Variants in KLHDC4 observed in about 807,000 individuals in gnomAD.
The protein encoded by KLHDC4 is kelch domain containing 4.
A neutral mutation model predicts 62.4 loss-of-function variants in KLHDC4; 90 were observed. The observed-to-expected ratio is 1.44, with a 90% CI of 1.22 to 1.72. The LOEUF (loss-of-function observed/expected upper bound fraction) is 1.72. Ranked by LOEUF, KLHDC4 falls within the 40% of genes most tolerant of loss-of-function variation. KLHDC4 has a pLI of 0.00. For missense variants in KLHDC4, 1,025 were observed against 699.7 expected (o/e 1.47, Z -5.25); for synonymous variants, 386 against 284.4 (o/e 1.36, Z -3.59).
intron 5 of KLHDC4, among the ~76,000 whole-genome samples, chr16:87,731,576 C>T (rs774242685): frequency 2.6e-5 from 4 of 151,846 alleles, no homozygotes; most frequent in African/African-American, 9.7e-5. Context: ...GCTGGGCACC[C>T]GAGATCAAGA....
intron 5 of KLHDC4, among the ~76,000 whole-genome samples, chr16:87,748,281 C>T (rs1057403628): frequency 2.0e-5 from 3 of 152,218 alleles, no homozygotes; most frequent in Non-Finnish European, 4.4e-5. Flanking sequence ...TACACCAACT[C>T]GACACAGAAA....
chr16:87,716,101 G>T (rs1000071636), intron 7 of KLHDC4, among the ~76,000 whole-genome samples: 11 of 152,032 alleles, frequency 7.2e-5, no homozygotes, highest in South Asian at 4.1e-4. Flanking sequence ...GGATACTGAC[G>T]TAGACTTTGG....
At chr16:87,759,753 A>G (rs1438339843) in intron 2 of KLHDC4, among the ~76,000 whole-genome samples, 1 of 151,346 alleles carries the variant, frequency 6.6e-6, no homozygotes, top group Non-Finnish European at 1.5e-5. Context: ...AAAAAAAAAT[A>G]AAGAGTGTTT....
Position 87,760,150 on chromosome 16 carries a change from G to C in KLHDC4, c.191+1799C>G, listed in dbSNP as rs140037776. Among the ~76,000 whole-genome samples the C allele has an allele frequency of 1.3e-3, 191 of 151,394 alleles. 1 individual carries two copies. Among genetic ancestry groups the C allele is most frequent in the African/African-American group, 4.4e-3 (183 of 41,208 alleles). On this transcript the variant is annotated intron_variant, in intron 2 of 11. Transcript: ENST00000270583. ...AGGAAGCATTTCCAGCTGACCCAGG[G>C]AACTGCCAACACCTTAAATTATATC...
At chr16:87,739,347 ACAC>A (rs2041882703) in intron 5 of KLHDC4, among the ~76,000 whole-genome samples, 1 of 124,562 alleles carries the variant, frequency 8.0e-6, no homozygotes, top group African/African-American at 3.1e-5. Flanking sequence ...ATCCATCCAC[ACAC>A]CAGCATCTCA....
chr16:87,715,291 T>C (rs1212193798), intron 7 of KLHDC4, among the ~76,000 whole-genome samples: 1 of 152,210 alleles, frequency 6.6e-6, no homozygotes, highest in African/African-American at 2.4e-5. Context: ...TTAGAAGTTT[T>C]GTATTTGCAG....
At chr16:87,751,421 C>A (rs1567805806) in intron 4 of KLHDC4, among the ~76,000 whole-genome samples, 1 of 151,100 alleles carries the variant, frequency 6.6e-6, no homozygotes, top group Non-Finnish European at 1.5e-5. Context: ...TTGCAGTGAG[C>A]TGAGGTCGCA....
At chr16:87,761,770 A>G (rs559573138) in intron 2 of KLHDC4, among the ~76,000 whole-genome samples, 179 bp downstream of exon 2, 49 of 152,342 alleles carry the variant, frequency 3.2e-4, no homozygotes, top group African/African-American at 1.0e-3. Flanking sequence ...CCCAGGTTCC[A>G]TGACAGTAAA....
chr16:87,724,521 C>A (rs2038997901), intron 7 of KLHDC4, among the ~76,000 whole-genome samples: 1 of 152,134 alleles, frequency 6.6e-6, no homozygotes, highest in African/African-American at 2.4e-5. Context: ...ACAAAAACTA[C>A]AGCCCATTAA....
At chr16:87,733,387 C>A (rs903762474) in intron 5 of KLHDC4, among the ~76,000 whole-genome samples, 4 of 152,226 alleles carry the variant, frequency 2.6e-5, no homozygotes, top group African/African-American at 9.6e-5. Flanking sequence ...ACGCCGGCCA[C>A]AGATGTGCAG....
chr16:87,759,993 A>G (rs564656418), intron 2 of KLHDC4, among the ~76,000 whole-genome samples: 2 of 152,226 alleles, frequency 1.3e-5, no homozygotes, highest in South Asian at 4.1e-4. Flanking sequence ...GCCAATCCTG[A>G]CGATATGCTC....
chr16:87,724,941 A>C (rs1442812244), intron 7 of KLHDC4, among the ~76,000 whole-genome samples: 1 of 152,230 alleles, frequency 6.6e-6, no homozygotes, highest in Non-Finnish European at 1.5e-5. Context: ...CTTCTGAAGA[A>C]CGGAAACAGC....
chr16:87,736,797 G>A (rs192243336), intron 5 of KLHDC4, among the ~76,000 whole-genome samples: 2 of 152,192 alleles, frequency 1.3e-5, no homozygotes, highest in Admixed American at 6.5e-5. Context: ...CAGCAAACTC[G>A]TGGTGCAGAT....
chr16:87,730,893 G>C, intron 5 of KLHDC4: 1 of 376,098 alleles, frequency 2.7e-6, no homozygotes, highest in South Asian at 3.3e-5. Context: ...ACTGCATAAA[G>C]ATTTCCTAGG....
At chr16:87,759,602 C>A (rs941160073) in intron 2 of KLHDC4, among the ~76,000 whole-genome samples, 26 of 151,860 alleles carry the variant, frequency 1.7e-4, no homozygotes, top group African/African-American at 6.3e-4. Flanking sequence ...CAAAATTAGC[C>A]GGGCGTGGTG....
rs2034974358 is a variant in KLHDC4, at chr16:87,707,961, C to CA, written c.*115dup. 2 of 470,084 alleles carry CA rather than the reference C, an allele frequency of 4.3e-6. No homozygotes were observed. The highest frequency in any genetic ancestry group is 3.1e-5 in the South Asian group (2 of 64,682). 29.1% of individuals were successfully genotyped at this position (470,084 alleles called of 1,614,324 possible). ...CACCCTGGCCTGGGCCACCCACCTTCAGCTCTCTCCTGTGCGTCAGGACGC... is the reference window on the plus strand; with the variant it reads ...CACCCTGGCCTGGGCCACCCACCTTCAAGCTCTCTCCTGTGCGTCAGGACGC... On this transcript the variant is annotated 3_prime_UTR_variant, in exon 12 of 12. Transcript: ENST00000270583.
chr16:87,732,404 A>G (rs970127971), intron 5 of KLHDC4, among the ~76,000 whole-genome samples: 2 of 152,110 alleles, frequency 1.3e-5, no homozygotes, highest in African/African-American at 2.4e-5. Flanking sequence ...TCAGGTGTGT[A>G]TATTTCTTAA....
At chr16:87,706,229 G>C (rs113346538), downstream of KLHDC4, among the ~76,000 whole-genome samples, 1 of 103,764 alleles carries the variant, frequency 9.6e-6, no homozygotes, top group African/African-American at 3.7e-5. Flanking sequence ...CCTCGGGGGG[G>C]GGTCAGCGCA....
chr16:87,731,785 C>A (rs2040420922), intron 5 of KLHDC4, among the ~76,000 whole-genome samples: 1 of 152,202 alleles, frequency 6.6e-6, no homozygotes, highest in South Asian at 2.1e-4. Context: ...GTGTCACCAC[C>A]AGCAGCCGAG....
Sources: allele counts gnomAD v4.1 joint callset (sites outside exome capture counted in the v4.1 genomes callset), GRCh38; gene constraint gnomAD v4.1.1; transcripts MANE v1.5; gene names NCBI Gene and HGNC (gene_info 2026-07-23, HGNC 2026-07-21).